Variants in ALG9 observed in about 807,000 individuals in gnomAD.
ALG9 encodes the protein ALG9 alpha-1,2-mannosyltransferase, also known as alpha-1,2-mannosyltransferase ALG9.
Under a neutral mutation model 81.8 loss-of-function variants are expected in ALG9, and 55 were observed. The ratio of observed to expected loss-of-function variants is 0.67; its 90% CI spans 0.54 to 0.84. The LOEUF (loss-of-function observed/expected upper bound fraction) is 0.84. Ranked by LOEUF, ALG9 falls within the 40% of genes least tolerant of loss-of-function variation. ALG9 has a pLI of 0.00. For synonymous variants in ALG9, 278 were observed against 274.3 expected, an observed-to-expected ratio of 1.01 and a Z score of -0.13; for missense variants, 629 against 745.0, an observed-to-expected ratio of 0.84 and a Z score of 1.81.
At chr11:111,797,811 T>C (rs945326372) in intron 14 of ALG9, among the ~76,000 whole-genome samples, 6 of 152,170 alleles carry the variant, frequency 3.9e-5, no homozygotes, top group African/African-American at 1.4e-4. Context: ...AGCCATGGTC[T>C]TAGTAAAGTC....
At chr11:111,778,811 CTTTTCTTTTT>C (rs1421806284), downstream of ALG9, among the ~76,000 whole-genome samples, 7 of 147,328 alleles carry the variant, frequency 4.8e-5, no homozygotes, top group Non-Finnish European at 8.9e-5. Flanking sequence ...ATTTTCTTTT[CTTTTCTTTTT>C]TTTTTTTTTT....
chr11:111,842,616 G>T (rs1487639417), intron 9 of ALG9, among the ~76,000 whole-genome samples: 1 of 151,640 alleles, frequency 6.6e-6, no homozygotes, highest in Non-Finnish European at 1.5e-5. Context: ...TAGTGACAGG[G>T]TCTTGCTATC....
chr11:111,871,306 A>T, intron 1 of ALG9, 46 bp downstream of exon 1: 1 of 1,382,356 alleles, frequency 7.2e-7, no homozygotes, highest in Admixed American at 3.8e-5. Context: ...GGCAGCCCCG[A>T]ACCGCCCCGC....
Position 111,860,580 on chromosome 11 carries a change from C to A in ALG9, c.532G>T (p.Val178Phe), listed in dbSNP as rs1335212490. 1.2e-6 allele frequency: 2 copies of A among 1,613,990 alleles called. No homozygotes were observed. The highest frequency in any genetic ancestry group is 1.3e-5 in the African/African-American group (1 of 74,928). Residue 178 changes from valine to phenylalanine, a missense_variant, in exon 5 of 15, where the codon GTT becomes TTT. This residue lies in a region of ALG9 where 344 missense variants were observed against 390.5 expected (regional missense o/e 0.88). Transcript: ENST00000616540. ...GAGCAAAACATGCCAGTGCTGAGAA[C>A]CAAGAAGGCTAGCATCATTCGACTC... ...HVSRMMLAFL[V>F]LSTGMFCSSS...
chr11:111,789,971 G>A (rs1050806377), intron 14 of ALG9, among the ~76,000 whole-genome samples: 2 of 151,640 alleles, frequency 1.3e-5, no homozygotes, highest in Non-Finnish European at 2.9e-5. Flanking sequence ...ATTCCACTCA[G>A]GAGTTGGAAA....
At chr11:111,797,477 A>T (rs2136281536) in intron 14 of ALG9, among the ~76,000 whole-genome samples, 1 of 152,356 alleles carries the variant, frequency 6.6e-6, no homozygotes, top group South Asian at 2.1e-4. Context: ...ACAGATCCTG[A>T]GTAAGAACTG....
At chr11:111,829,260 G>C (rs1036322508) in intron 13 of ALG9, 2 of 151,928 alleles carry the variant, frequency 1.3e-5, no homozygotes, top group Non-Finnish European at 2.9e-5. Context: ...CAAAATTGTA[G>C]GGTGACATTA....
the ALG9 span, among the ~76,000 whole-genome samples, chr11:111,773,175 C>A: frequency 6.6e-6 from 1 of 152,090 alleles, no homozygotes; most frequent in Non-Finnish European, 1.5e-5. Flanking sequence ...AGACTATGTT[C>A]AAGGTGTACA....
At chr11:111,769,565 G>T in the ALG9 span, 1 of 152,276 alleles carries the variant, frequency 6.6e-6, no homozygotes, top group East Asian at 1.9e-4. Flanking sequence ...GCTGCAGTGA[G>T]CTGTGACTGC....
chr11:111,790,945 G>A (rs1167139594), intron 14 of ALG9, among the ~76,000 whole-genome samples: 6 of 152,036 alleles, frequency 3.9e-5, no homozygotes, highest in Non-Finnish European at 4.4e-5. Flanking sequence ...TAGAGCAGAG[G>A]ACTTTTACTT....
At chr11:111,830,580 G>A (rs551455409) in intron 13 of ALG9, among the ~76,000 whole-genome samples, 1 of 152,256 alleles carries the variant, frequency 6.6e-6, no homozygotes, top group South Asian at 2.1e-4. Flanking sequence ...TAAATTCTTA[G>A]TAGACTCTAA....
chr11:111,847,954 C>T (rs1051132547), intron 8 of ALG9, among the ~76,000 whole-genome samples: 1 of 152,206 alleles, frequency 6.6e-6, no homozygotes, highest in Non-Finnish European at 1.5e-5. Context: ...TCAACTCATG[C>T]TCTCTGCTTT....
intron 14 of ALG9, among the ~76,000 whole-genome samples, chr11:111,808,109 C>T (rs1950195963): frequency 6.6e-6 from 1 of 152,094 alleles, no homozygotes; most frequent in African/African-American, 2.4e-5. Context: ...AGCACTATTT[C>T]CCATTATGTA....
intron 14 of ALG9, among the ~76,000 whole-genome samples, chr11:111,798,939 T>C (rs1948695388): frequency 6.6e-6 from 1 of 152,240 alleles, no homozygotes; most frequent in Non-Finnish European, 1.5e-5. Flanking sequence ...TTCTCCCAAA[T>C]GGTCTAACAC....
intron 8 of ALG9, among the ~76,000 whole-genome samples, chr11:111,849,239 T>C (rs1421191320): frequency 3.9e-5 from 6 of 151,954 alleles, no homozygotes; most frequent in African/African-American, 1.2e-4. Context: ...TTAGTAGAGA[T>C]GGGGTTTCAC....
At chr11:111,857,461 G>A (rs990579337) in intron 6 of ALG9, 141 bp downstream of exon 6, 12 of 1,102,424 alleles carry the variant, frequency 1.1e-5, no homozygotes, top group Non-Finnish European at 1.6e-5. Flanking sequence ...AGTGCTAAGA[G>A]AAATATTCTT....
At chr11:111,844,522 G>T in intron 9 of ALG9, 79 bp downstream of exon 9, 1 of 1,586,612 alleles carries the variant, frequency 6.3e-7, no homozygotes. Flanking sequence ...AAAGTAAGTA[G>T]GATTTTCCTT....
intron 1 of ALG9, chr11:111,870,806 CTTTCT>C (rs1451010002): frequency 1.1e-4 from 107 of 1,007,842 alleles, no homozygotes; most frequent in East Asian, 2.2e-4. Flanking sequence ...TTCTCCTTTT[CTTTCT>C]TTTCTTAACA....
chr11:111,849,482 T>C (rs1480235897), intron 8 of ALG9: 1 of 152,222 alleles, frequency 6.6e-6, no homozygotes, highest in South Asian at 2.1e-4. Flanking sequence ...TGTTTTTAAA[T>C]TGTTTTAAGT....
Sources: gnomAD v4.1 joint callset for allele counts (sites outside exome capture counted in the v4.1 genomes callset) on GRCh38, gnomAD v4.1.1 for gene constraint, gnomAD v4.1.1 regional missense constraint, MANE v1.5 for transcripts, NCBI Gene and HGNC (gene_info 2026-07-23, HGNC 2026-07-21) for gene names.